Variants in DSG2 observed in about 807,000 individuals in gnomAD.
DSG2 encodes the protein desmoglein 2.
A neutral mutation model predicts 75.6 loss-of-function variants in DSG2; 45 were observed. The ratio of observed to expected loss-of-function variants is 0.60; its 90% CI spans 0.47 to 0.76. The LOEUF is 0.76. Among genes scored for constraint, DSG2 ranks in the 30% least tolerant of loss-of-function variants. The probability of loss-of-function intolerance (pLI) is 0.00; values close to 1 mark genes in which losing one functional copy is unlikely to be tolerated. For missense variants in DSG2, 1,267 were observed against 1,357.4 expected (o/e 0.93, Z 1.05); for synonymous variants, 429 against 483.9 (o/e 0.89, Z 1.49).
intron 1 of DSG2, among the ~76,000 whole-genome samples, chr18:31,511,104 C>A (rs1258816749): frequency 6.6e-6 from 1 of 152,208 alleles, no homozygotes; most frequent in Non-Finnish European, 1.5e-5. Context: ...TGTACAGAAT[C>A]TCCACAGTCC....
At chr18:31,524,379 C>A in intron 6 of DSG2, 69 bp from the exon 7 acceptor site, 1 of 1,607,182 alleles carries the variant, frequency 6.2e-7, no homozygotes, top group Non-Finnish European at 8.5e-7. Context: ...ATAAACTGGA[C>A]TAAAACCAGA....
At chr18:31,522,995 G>A (rs2073138030) in intron 6 of DSG2, among the ~76,000 whole-genome samples, 1 of 152,170 alleles carries the variant, frequency 6.6e-6, no homozygotes, top group Non-Finnish European at 1.5e-5. Flanking sequence ...TTTAAATGCT[G>A]TATACATAAA....
intron 1 of DSG2, among the ~76,000 whole-genome samples, chr18:31,502,061 T>A (rs2073016325): frequency 6.6e-6 from 1 of 152,218 alleles, no homozygotes; most frequent in African/African-American, 2.4e-5. Context: ...TTTTTGTTTC[T>A]AAAAGTTAGT....
Position 31,535,254 on chromosome 18 carries a change from G to T in DSG2, c.1281-16G>T, listed in dbSNP as rs756914573. 1.2e-5 allele frequency: 19 copies of T among 1,534,916 alleles called. No homozygotes were observed. Among genetic ancestry groups the T allele is most frequent in the Non-Finnish European group, 1.7e-5 (19 of 1,112,786 alleles). On this transcript the variant is annotated splice_polypyrimidine_tract_variant and intron_variant, in intron 9 of 14. Coordinates refer to ENST00000261590, the MANE Select transcript of DSG2 (RefSeq NM_001943.5). Reference sequence around the variant, plus strand: ...ATGCAGAATTCAAAATTAATTTTATGTTTGTTTTATGACAGATATGTAAAA... The same window carrying T: ...ATGCAGAATTCAAAATTAATTTTATTTTTGTTTTATGACAGATATGTAAAA...
chr18:31,516,879 G>A (rs189396421), intron 1 of DSG2, among the ~76,000 whole-genome samples: 9 of 152,182 alleles, frequency 5.9e-5, no homozygotes, highest in Non-Finnish European at 1.0e-4. Flanking sequence ...TAGCTGCTCC[G>A]GTAGAACTGT....
intron 14 of DSG2, 100 bp downstream of exon 14, chr18:31,542,952 A>C: frequency 4.1e-6 from 4 of 972,746 alleles, no homozygotes; most frequent in Non-Finnish European, 5.6e-6. Flanking sequence ...TCCAAATGAG[A>C]CTTTGGGTTT....
intron 1 of DSG2, among the ~76,000 whole-genome samples, chr18:31,504,416 ATCT>A (rs1286667756): frequency 2.0e-5 from 3 of 152,182 alleles, no homozygotes; most frequent in South Asian, 4.1e-4. Flanking sequence ...CTCAGTCATC[ATCT>A]TCTTTTAAAA....
intron 8 of DSG2, among the ~76,000 whole-genome samples, chr18:31,525,401 C>G (rs970374548): frequency 6.6e-6 from 1 of 152,006 alleles, no homozygotes; most frequent in Non-Finnish European, 1.5e-5. Flanking sequence ...TGCCTGTAGT[C>G]CCAGCTACTA....
chr18:31,498,199 G>A lies in DSG2; in HGVS notation c.-53G>A, dbSNP rs2072993062. ...AGGGAGGAGCCGAGTGCGCGCTCGG[G>A]GCAGGCGGCGGCGCGGAGCGGTGCG... On this transcript the variant is annotated 5_prime_UTR_variant, in exon 1 of 15. Transcript: ENST00000261590. 1.6e-6 allele frequency: 2 copies of A among 1,230,672 alleles called. No homozygotes were observed. Among genetic ancestry groups the A allele is most frequent in the Non-Finnish European group, 2.0e-6 (2 of 984,140 alleles). The allele number at this position is 1,230,672 out of a possible 1,614,324, so 76.2% of individuals were successfully genotyped here. A position where few individuals can be genotyped will look rare whatever the true frequency, so the allele number is the denominator to read the frequency against.
intron 2 of DSG2, 64 bp from the exon 3 acceptor site, chr18:31,519,739 A>T: frequency 6.4e-7 from 1 of 1,552,368 alleles, no homozygotes; most frequent in Non-Finnish European, 8.9e-7. Flanking sequence ...ATGTTATAGG[A>T]CAGCATACTA....
At chr18:31,518,114 A>G (rs998771162) in intron 1 of DSG2, 125 bp from the exon 2 acceptor site, 1 of 743,730 alleles carries the variant, frequency 1.3e-6, no homozygotes, top group Admixed American at 2.2e-5. Flanking sequence ...TTGACAAAGA[A>G]TAGTAGTAGT....
intron 1 of DSG2, among the ~76,000 whole-genome samples, chr18:31,508,241 G>A (rs961424087): frequency 1.3e-5 from 2 of 152,096 alleles, no homozygotes; most frequent in African/African-American, 4.8e-5. Flanking sequence ...GTATAAACCA[G>A]GGGAAAACAC....
chr18:31,542,436 C>A, intron 13 of DSG2, 84 bp from the exon 14 acceptor site: 1 of 1,462,758 alleles, frequency 6.8e-7, no homozygotes, highest in Admixed American at 1.7e-5. Flanking sequence ...CTTCCTATGC[C>A]CACTTGACTC....
At chr18:31,514,959 T>TA (rs2073086022) in intron 1 of DSG2, among the ~76,000 whole-genome samples, 1 of 152,188 alleles carries the variant, frequency 6.6e-6, no homozygotes, top group South Asian at 2.1e-4. Context: ...AAATAACATG[T>TA]AAATTATACC....
At chr18:31,509,643 A>T (rs757221514) in intron 1 of DSG2, among the ~76,000 whole-genome samples, 11 of 152,216 alleles carry the variant, frequency 7.2e-5, no homozygotes, top group Non-Finnish European at 1.3e-4. Context: ...AAGATTAAGA[A>T]GAGAAAAGTG....
intron 1 of DSG2, among the ~76,000 whole-genome samples, chr18:31,514,392 A>G (rs936045285): frequency 2.6e-5 from 4 of 152,232 alleles, no homozygotes; most frequent in Non-Finnish European, 5.9e-5. Flanking sequence ...CTCTGCTTTT[A>G]TACATGTTTG....
chr18:31,504,604 A>AAGTAGGGGTGGGAGAC (rs1253828079), intron 1 of DSG2, among the ~76,000 whole-genome samples: 1 of 152,128 alleles, frequency 6.6e-6, no homozygotes, highest in Non-Finnish European at 1.5e-5. Context: ...AGGAGACATC[A>AAGTAGGGGTGGGAGAC]AGTAGGGGTG....
In DSG2 at chr18:31,546,092, A is replaced by G; in HGVS notation, c.2706A>G (p.Val902=). The part of the protein sequence containing the change: ...KSLQEANAEK[V]TQEIVTERSV... ...TGCAAGAAGCCAATGCAGAGAAAGT[A>G]ACTCAGGAAATAGTCACTGAAAGAT... The change falls in exon 15 of 15, where the codon GTA becomes GTG. Residue 902 remains valine, a synonymous_variant. Coordinates refer to ENST00000261590, the MANE Select transcript of DSG2 (RefSeq NM_001943.5). 6.2e-7 allele frequency: 1 copy of G among 1,614,254 alleles called. No homozygotes were observed. The highest frequency in any genetic ancestry group is 8.5e-7 in the Non-Finnish European group (1 of 1,180,046).
At chr18:31,510,333 A>G (rs1278602463) in intron 1 of DSG2, among the ~76,000 whole-genome samples, 1 of 152,184 alleles carries the variant, frequency 6.6e-6, no homozygotes, top group African/African-American at 2.4e-5. Flanking sequence ...TCTTAGTCTG[A>G]TCTATTAAAG....
Sources: gnomAD v4.1 joint callset for allele counts (sites outside exome capture counted in the v4.1 genomes callset) on GRCh38, gnomAD v4.1.1 for gene constraint, MANE v1.5 for transcripts, NCBI Gene and HGNC (gene_info 2026-07-23, HGNC 2026-07-21) for gene names.